CD38: variants seen among roughly 807,000 people sequenced by gnomAD.
CD38 encodes CD38 molecule.
In CD38, 31 loss-of-function variants were observed where a neutral mutation model predicts 36.3. The ratio of observed to expected loss-of-function variants is 0.85; its 90% CI spans 0.64 to 1.15. The LOEUF (loss-of-function observed/expected upper bound fraction) is 1.15. Ranked by LOEUF, CD38 falls within the 50% of genes most tolerant of loss-of-function variation. The probability of loss-of-function intolerance (pLI) is 0.00; values close to 1 mark genes in which losing one functional copy is unlikely to be tolerated. For missense variants in CD38, 380 were observed against 371.9 expected, an observed-to-expected ratio of 1.02 and a Z score of -0.18; for synonymous variants, 131 against 135.2, an observed-to-expected ratio of 0.97 and a Z score of 0.22.
At chr4:15,786,927 G>A (rs1246316377) in intron 1 of CD38, among the ~76,000 whole-genome samples, 1 of 152,250 alleles carries the variant, frequency 6.6e-6, no homozygotes, top group East Asian at 1.9e-4. Flanking sequence ...CAGCGCCAGT[G>A]GGCCAGCACT....
In CD38 at chr4:15,840,538, G is replaced by C. The variant is rs1019936161; in HGVS notation, c.839G>C (p.Arg280Thr). 1 of 1,525,876 alleles carries C rather than the reference G, an allele frequency of 6.6e-7. No individual in the cohort carries two copies. The highest frequency in any genetic ancestry group is 1.4e-5 in the African/African-American group (1 of 72,554). 94.5% of individuals were successfully genotyped at this position (1,525,876 alleles called of 1,614,324 possible). A position where few individuals can be genotyped will look rare whatever the true frequency, so the allele number is the denominator to read the frequency against. ...CAATTTTCCTGCAAGAATATCTACA[G>C]GTAATTAATTTCTTCTTGAAGAAAA... ...NIQFSCKNIYRPDKFLQCVKN... is the reference protein window; with the variant it reads ...NIQFSCKNIYTPDKFLQCVKN... The change falls in exon 7 of 8, where the codon AGA (arginine) becomes ACA (threonine). Residue 280 changes from arginine (R) to threonine (T), a missense_variant and splice_region_variant. Physicochemically the swap from Arg to Thr is moderately conservative, Grantham distance 71. Coordinates refer to ENST00000226279, the MANE Select transcript of CD38 (RefSeq NM_001775.4).
At chr4:15,833,203 T>C (rs1409696241) in intron 3 of CD38, among the ~76,000 whole-genome samples, 1 of 152,170 alleles carries the variant, frequency 6.6e-6, no homozygotes, top group Non-Finnish European at 1.5e-5. Context: ...CCAAGCCCAG[T>C]TGGTGCTCTA....
intron 7 of CD38, among the ~76,000 whole-genome samples, chr4:15,840,779 G>C (rs1241982810): frequency 6.6e-6 from 1 of 152,056 alleles, no homozygotes; most frequent in Non-Finnish European, 1.5e-5. Flanking sequence ...TCCCAAGTAG[G>C]ACTTGCCTCT....
intron 3 of CD38, chr4:15,825,306 G>A: frequency 2.8e-6 from 1 of 352,780 alleles, no homozygotes. Flanking sequence ...CATGGAGAAG[G>A]GGAAGGGGAG....
At chr4:15,782,701 G>C (rs1422777393) in intron 1 of CD38, among the ~76,000 whole-genome samples, 1 of 152,170 alleles carries the variant, frequency 6.6e-6, no homozygotes, top group South Asian at 2.1e-4. Flanking sequence ...CTTGAGCATA[G>C]AAACTGTTAA....
intron 1 of CD38, among the ~76,000 whole-genome samples, chr4:15,813,873 A>T (rs1463154773): frequency 6.6e-6 from 1 of 152,170 alleles, no homozygotes; most frequent in Non-Finnish European, 1.5e-5. Context: ...GTTGGCTCTA[A>T]GTCTTTGCTA....
chr4:15,848,544 A>G lies in CD38; in HGVS notation c.845A>G (p.Asp282Gly), dbSNP rs370656780. Reference protein sequence around the residue: ...QFSCKNIYRPDKFLQCVKNPE... With the variant: ...QFSCKNIYRPGKFLQCVKNPE... ...TTTTTGCTTTCTTGTCATAGACCTG[A>G]CAAGTTTCTTCAGTGTGTGAAAAAT... Residue 282 changes from aspartate to glycine, a missense_variant, in exon 8 of 8, where the codon GAC (aspartate) becomes GGC (glycine). Asp to Gly is a moderately conservative substitution (Grantham distance 94, BLOSUM62 -1). Transcript: ENST00000226279. The G allele has an allele frequency of 2.5e-6, 4 of 1,612,944 alleles. No homozygotes were observed. The highest frequency in any genetic ancestry group is 1.7e-5 in the Admixed American group (1 of 59,980).
At chr4:15,804,972 A>G (rs1293455899) in intron 1 of CD38, among the ~76,000 whole-genome samples, 5 of 152,192 alleles carry the variant, frequency 3.3e-5, no homozygotes, top group African/African-American at 7.2e-5. Flanking sequence ...GGATATGCCA[A>G]TTACACAGAT....
chr4:15,834,118 T>C (rs912951224), intron 3 of CD38, 99 bp from the exon 4 acceptor site: 4 of 773,618 alleles, frequency 5.2e-6, no homozygotes, highest in African/African-American at 1.7e-5. Context: ...CAGTGACACA[T>C]TGGAAAATGG....
At chr4:15,795,471 C>T (rs1366426152) in intron 1 of CD38, among the ~76,000 whole-genome samples, 1 of 152,010 alleles carries the variant, frequency 6.6e-6, no homozygotes, top group Non-Finnish European at 1.5e-5. Flanking sequence ...CCTCTAATAA[C>T]TCTTCTTTTT....
intron 2 of CD38, 80 bp downstream of exon 2, chr4:15,816,720 G>C (rs1473538401): frequency 6.9e-7 from 1 of 1,458,130 alleles, no homozygotes; most frequent in South Asian, 1.1e-5. Context: ...ATTTTTATTA[G>C]AATGAAGGAA....
chr4:15,853,169 A>T lies in CD38; in HGVS notation c.*4567A>T, dbSNP rs1194894005. ...AGTTTATTAACATCTGTGACTCTCTAGTTTGAAATTTATTTGTAACAGACA... is the reference window on the plus strand; with the variant it reads ...AGTTTATTAACATCTGTGACTCTCTTGTTTGAAATTTATTTGTAACAGACA... On this transcript the variant is annotated 3_prime_UTR_variant, in exon 8 of 8. Coordinates refer to ENST00000226279, the MANE Select transcript of CD38 (RefSeq NM_001775.4). The T allele has an allele frequency of 6.6e-6, 1 of 152,250 alleles. No homozygotes were observed. Among genetic ancestry groups the T allele is most frequent in the African/African-American group, 2.4e-5 (1 of 41,456 alleles). The allele number at this position is 152,250 out of a possible 1,614,324, so 9.4% of individuals were successfully genotyped here. A position where few individuals can be genotyped will look rare whatever the true frequency, so the allele number is the denominator to read the frequency against.
chr4:15,807,386 T>A (rs1000848648), intron 1 of CD38, among the ~76,000 whole-genome samples: 8 of 152,196 alleles, frequency 5.3e-5, no homozygotes, highest in African/African-American at 1.9e-4. Flanking sequence ...TATTACTTTA[T>A]GGTTTGGATG....
chr4:15,811,668 CAGAT>C (rs10561187), intron 1 of CD38, among the ~76,000 whole-genome samples: 59,916 of 151,690 alleles, frequency 0.39, 12,992 homozygotes, highest in African/African-American at 0.58. Flanking sequence ...TGCTGCCTGA[CAGAT>C]AGGGAAGCCA....
Position 15,852,380 on chromosome 4 carries a change from A to T in CD38, c.*3778A>T, listed in dbSNP as rs758286805. On this transcript the variant is annotated 3_prime_UTR_variant, in exon 8 of 8. Transcript: ENST00000226279. ...ACATCGACTTACTTCTTGGTGCCTTATTCCTCCTTAGAACAATTCCTAAAT... is the reference window on the plus strand; with the variant it reads ...ACATCGACTTACTTCTTGGTGCCTTTTTCCTCCTTAGAACAATTCCTAAAT... 1 of 152,290 alleles carries T rather than the reference A, an allele frequency of 6.6e-6. No homozygotes were observed. Among genetic ancestry groups the T allele is most frequent in the Non-Finnish European group, 1.5e-5 (1 of 68,028 alleles). 9.4% of individuals were successfully genotyped at this position (152,290 alleles called of 1,614,324 possible).
intron 2 of CD38, among the ~76,000 whole-genome samples, chr4:15,823,239 G>A (rs1361783410): frequency 1.3e-5 from 2 of 152,132 alleles, no homozygotes; most frequent in African/African-American, 4.8e-5. Context: ...GAAAATCTAG[G>A]CAATATCATT....
At chr4:15,812,628 A>C (rs959712429) in intron 1 of CD38, among the ~76,000 whole-genome samples, 1 of 152,166 alleles carries the variant, frequency 6.6e-6, no homozygotes, top group Non-Finnish European at 1.5e-5. Context: ...TGAACCCTGG[A>C]GGCAGAGGTT....
intron 3 of CD38, among the ~76,000 whole-genome samples, chr4:15,831,766 T>C: frequency 6.6e-6 from 1 of 152,176 alleles, no homozygotes; most frequent in East Asian, 1.9e-4. Context: ...TGGGGCAGCA[T>C]TCTTGGGTTA....
Position 15,838,185 on chromosome 4 carries a change from C to G in CD38, c.659+20C>G. ...AAACAGGTACACATTTATTTTGCAT[C>G]CTGTTTGCAAGTATCCTGTTGCAAA... is the stretch of plus-strand genomic sequence containing the variant. On this transcript the variant is annotated intron_variant, in intron 5 of 7. Coordinates refer to ENST00000226279, the MANE Select transcript of CD38 (RefSeq NM_001775.4). 6.4e-7 allele frequency: 1 copy of G among 1,563,344 alleles called. No homozygotes were observed. The highest frequency in any genetic ancestry group is 1.4e-5 in the African/African-American group (1 of 74,002).
Sources: gnomAD v4.1 joint callset for allele counts (sites outside exome capture counted in the v4.1 genomes callset) on GRCh38, gnomAD v4.1.1 for gene constraint, MANE v1.5 for transcripts, NCBI Gene and HGNC (gene_info 2026-07-23, HGNC 2026-07-21) for gene names.